The following DNAJC10 variants were observed in gnomAD, a reference collection of about 807,000 sequenced individuals.
DNAJC10 encodes the protein endoplasmic reticulum disulfide reductase DNAJC10.
A neutral mutation model predicts 115.0 loss-of-function variants in DNAJC10; 101 were observed. That is an observed-to-expected ratio of 0.88 (90% CI 0.75 to 1.04). DNAJC10 has a LOEUF of 1.04. Among genes scored for constraint, DNAJC10 ranks in the 50% least tolerant of loss-of-function variants. DNAJC10 has a pLI of 0.00. For synonymous variants in DNAJC10, 307 were observed against 301.5 expected, an observed-to-expected ratio of 1.02 and a Z score of -0.19; for missense variants, 981 against 928.8, an observed-to-expected ratio of 1.06 and a Z score of -0.73.
rs557171862 is a variant in DNAJC10, at chr2:182,734,491, T to A, written c.850-1758T>A. ...TTAAGCCTTGTTTCATGGCCCAACA[T>A]ATGGTAAATTTTTATAAATGTTTCA... On this transcript the variant is annotated intron_variant, in intron 10 of 23. Coordinates refer to ENST00000264065, the MANE Select transcript of DNAJC10 (RefSeq NM_018981.4). 3.7e-3 allele frequency among the ~76,000 whole-genome samples: 563 copies of A among 151,840 alleles called. 4 individuals carry two copies. The highest frequency in any genetic ancestry group is 6.8e-3 in the Middle Eastern group (2 of 294).
At chr2:182,774,962 G>C (rs1694665738) in intron 22 of DNAJC10, among the ~76,000 whole-genome samples, 1 of 152,112 alleles carries the variant, frequency 6.6e-6, no homozygotes, top group South Asian at 2.1e-4. Flanking sequence ...AGGAGCTGCA[G>C]ACTGGAGCTA....
At chr2:182,761,350 C>T (rs1694280075) in intron 21 of DNAJC10, among the ~76,000 whole-genome samples, 1 of 152,102 alleles carries the variant, frequency 6.6e-6, no homozygotes, top group Non-Finnish European at 1.5e-5. Context: ...GACATAGACA[C>T]TTACGAAATT....
chr2:182,784,407 C>G lies in DNAJC10; in HGVS notation c.*7275C>G, dbSNP rs1385194945. The G allele has an allele frequency of 6.6e-6, 1 of 152,106 alleles. No homozygotes were observed. The highest frequency in any genetic ancestry group is 1.5e-5 in the Non-Finnish European group (1 of 68,024). The allele number at this position is 152,106 out of a possible 1,614,324, so 9.4% of individuals were successfully genotyped here. ...ACCTCCCCACACAAACACACACAGC[C>G]ATATTGTCATCTCTGAAGACAGCAG... On this transcript the variant is annotated 3_prime_UTR_variant, in exon 24 of 24. Coordinates refer to ENST00000264065, the MANE Select transcript of DNAJC10 (RefSeq NM_018981.4).
At chr2:182,720,848 A>G (rs1693132575) in intron 4 of DNAJC10, among the ~76,000 whole-genome samples, 2 of 152,194 alleles carry the variant, frequency 1.3e-5, no homozygotes. Flanking sequence ...CTTCAAGTTT[A>G]GTAATGATCT....
intron 14 of DNAJC10, among the ~76,000 whole-genome samples, chr2:182,746,520 C>T (rs1410070799): frequency 6.6e-6 from 1 of 152,152 alleles, no homozygotes; most frequent in Non-Finnish European, 1.5e-5. Context: ...TTTTTGGCTG[C>T]ATAAATGTCT....
rs1265000207 is a variant in DNAJC10 at position 182,790,896 on chromosome 2, AC to A, written c.*13765del. Reference sequence around the variant, plus strand: ...GCCTACTAAGCTGACTTATTTTCTGACTTTTCCTTTGCTTTATTCTCTTATT... The same window carrying A: ...GCCTACTAAGCTGACTTATTTTCTGATTTTCCTTTGCTTTATTCTCTTATT... On this transcript the variant is annotated 3_prime_UTR_variant, in exon 24 of 24. Coordinates refer to ENST00000264065, the MANE Select transcript of DNAJC10 (RefSeq NM_018981.4). 1 of 151,828 alleles carries A rather than the reference AC, an allele frequency of 6.6e-6. No homozygotes were observed. The highest frequency in any genetic ancestry group is 2.4e-5 in the African/African-American group (1 of 41,320). 9.4% of individuals were successfully genotyped at this position (151,828 alleles called of 1,614,324 possible).
chr2:182,765,805 G>A (rs1370216126), intron 22 of DNAJC10, among the ~76,000 whole-genome samples: 1 of 152,320 alleles, frequency 6.6e-6, no homozygotes, highest in East Asian at 1.9e-4. Context: ...TACTAGTTTT[G>A]TGTTGTATGT....
chr2:182,764,401 A>G (rs1052800941), intron 22 of DNAJC10, among the ~76,000 whole-genome samples: 2 of 152,122 alleles, frequency 1.3e-5, no homozygotes, highest in African/African-American at 2.4e-5. Context: ...TAAAAAGGCA[A>G]CTGAAGTGGC....
At chr2:182,764,844 T>C (rs932391893) in intron 22 of DNAJC10, among the ~76,000 whole-genome samples, 2 of 152,170 alleles carry the variant, frequency 1.3e-5, no homozygotes, top group African/African-American at 4.8e-5. Flanking sequence ...TCCCTTTTAC[T>C]TGTAATATTG....
chr2:182,731,341 A>T (rs567738682), intron 9 of DNAJC10, among the ~76,000 whole-genome samples: 15 of 152,128 alleles, frequency 9.9e-5, no homozygotes, highest in Non-Finnish European at 1.6e-4. Context: ...CCAGTTTTTC[A>T]GCTTAGACTC....
At chr2:182,732,428 A>C (rs977910041) in intron 9 of DNAJC10, 71 bp from the exon 10 acceptor site, 3 of 1,445,094 alleles carry the variant, frequency 2.1e-6, no homozygotes, top group Non-Finnish European at 2.9e-6. Flanking sequence ...ATTTGGGGGA[A>C]AGGCAAATGC....
Position 182,717,924 on chromosome 2 carries a change from C to T in DNAJC10, c.-146-17C>T. 2.0e-6 allele frequency: 1 copy of T among 495,268 alleles called. No individual in the cohort carries two copies. Among genetic ancestry groups the T allele is most frequent in the Non-Finnish European group, 3.5e-6 (1 of 284,126 alleles). 30.7% of individuals were successfully genotyped at this position (495,268 alleles called of 1,614,324 possible). On this transcript the variant is annotated splice_polypyrimidine_tract_variant and intron_variant, in intron 2 of 23. Coordinates refer to ENST00000264065, the MANE Select transcript of DNAJC10 (RefSeq NM_018981.4). ...TTAGTTCAAAATGTATTTTAACTGC[C>T]TGCTTTTCTTTCTTAGATTAATATT...
intron 13 of DNAJC10, among the ~76,000 whole-genome samples, chr2:182,741,894 T>C (rs1693746686): frequency 6.6e-6 from 1 of 152,150 alleles, no homozygotes; most frequent in African/African-American, 2.4e-5. Flanking sequence ...TAAATTTATA[T>C]GTCTGTGTTT....
At position 182,779,065 on chromosome 2, in the gene DNAJC10, A is replaced by AC. The variant is rs1466429311; in HGVS notation, c.*1933_*1934insC. 5 of 152,228 alleles carry AC rather than the reference A, an allele frequency of 3.3e-5. No individual in the cohort carries two copies. In the East Asian group the frequency reaches 9.6e-4, roughly 29 times the overall value. The allele number at this position is 152,228 out of a possible 1,614,324, so 9.4% of individuals were successfully genotyped here. A position where few individuals can be genotyped will look rare whatever the true frequency, so the allele number is the denominator to read the frequency against. On this transcript the variant is annotated 3_prime_UTR_variant, in exon 24 of 24. Transcript: ENST00000264065. ...TTTCCTGTACTTGTTAGTTGTTGAGAAACATTTTAGGCAGTAAATAAAATA... is the reference window on the plus strand; with the variant it reads ...TTTCCTGTACTTGTTAGTTGTTGAGACAACATTTTAGGCAGTAAATAAAATA...
Position 182,743,672 on chromosome 2 carries a change from A to G in DNAJC10, c.1266A>G (p.Val422=). 3 of 1,613,234 alleles carry G rather than the reference A, an allele frequency of 1.9e-6. No homozygotes were observed. Among genetic ancestry groups the G allele is most frequent in the Non-Finnish European group, 2.5e-6 (3 of 1,179,376 alleles). ...ATGTTTTTCAGCCGTCTCTAGCAGT[A>G]TTTAAAGGACAAGGAACCAAAGAAT... is the stretch of plus-strand genomic sequence containing the variant. ...NLYVFQPSLA[V]FKGQGTKEYE... The change falls in exon 14 of 24, where the codon GTA becomes GTG. Residue 422 remains valine, a synonymous_variant. Transcript: ENST00000264065.
intron 14 of DNAJC10, among the ~76,000 whole-genome samples, chr2:182,747,325 A>G (rs1479696089): frequency 6.6e-6 from 1 of 152,180 alleles, no homozygotes; most frequent in Non-Finnish European, 1.5e-5. Flanking sequence ...CTTGGGCAGT[A>G]TGGCCATTGT....
intron 22 of DNAJC10, 81 bp from the exon 23 acceptor site, chr2:182,775,235 G>A: frequency 1.2e-6 from 1 of 865,616 alleles, no homozygotes; most frequent in Non-Finnish European, 1.8e-6. Flanking sequence ...GAACTTGAAA[G>A]CATATTTAAT....
At chr2:182,744,931 T>C (rs1360010652) in intron 14 of DNAJC10, among the ~76,000 whole-genome samples, 1 of 152,204 alleles carries the variant, frequency 6.6e-6, no homozygotes, top group African/African-American at 2.4e-5. Context: ...CCCTCTTCTC[T>C]TCTCTGTGCT....
intron 7 of DNAJC10, 101 bp downstream of exon 7, chr2:182,729,095 C>A: frequency 7.9e-7 from 1 of 1,258,160 alleles, no homozygotes; most frequent in African/African-American, 1.5e-5. Flanking sequence ...CATTTTAAGT[C>A]TTGTTTTACA....
Sources: allele counts gnomAD v4.1 joint callset (sites outside exome capture counted in the v4.1 genomes callset), GRCh38; gene constraint gnomAD v4.1.1; transcripts MANE v1.5; gene names NCBI Gene and HGNC (gene_info 2026-07-23, HGNC 2026-07-21).